The following IKZF3 variants were observed in gnomAD, a reference collection of about 807,000 sequenced individuals.
IKZF3 encodes IKAROS family zinc finger 3.
A neutral mutation model predicts 49.0 loss-of-function variants in IKZF3; 10 were observed. The ratio of observed to expected loss-of-function variants is 0.20; its 90% CI spans 0.13 to 0.35. The LOEUF is 0.35. Ranked by LOEUF, IKZF3 falls within the 10% of genes least tolerant of loss-of-function variation. IKZF3 has a pLI of 1.00. For synonymous variants in IKZF3, 209 were observed against 228.2 expected (o/e 0.92, Z 0.76); for missense variants, 498 against 664.8 (o/e 0.75, Z 2.76).
chr17:39,817,467 G>T (rs1485756880), intron 3 of IKZF3, among the ~76,000 whole-genome samples: 1 of 151,662 alleles, frequency 6.6e-6, no homozygotes, highest in Non-Finnish European at 1.5e-5. Flanking sequence ...TTGCTATATT[G>T]CCCAGGCTGG....
At chr17:39,802,176 C>T (rs1221572246) in intron 3 of IKZF3, among the ~76,000 whole-genome samples, 2 of 128,432 alleles carry the variant, frequency 1.6e-5, no homozygotes, top group East Asian at 2.4e-4. Flanking sequence ...GAGCCAAGAT[C>T]GCACCACTGC....
At chr17:39,831,313 G>A (rs1300504837) in intron 2 of IKZF3, among the ~76,000 whole-genome samples, 6 of 151,908 alleles carry the variant, frequency 3.9e-5, no homozygotes, top group African/African-American at 1.5e-4. Flanking sequence ...GGCTAAGGTT[G>A]TGGTGAGCCG....
intron 3 of IKZF3, among the ~76,000 whole-genome samples, chr17:39,828,253 T>C (rs1040429791): frequency 1.6e-4 from 25 of 152,170 alleles, no homozygotes; most frequent in African/African-American, 5.3e-4. Context: ...GGGGTTAACA[T>C]TGAATGCAGA....
At chr17:39,770,458 T>C (rs993173507) in intron 7 of IKZF3, among the ~76,000 whole-genome samples, 2 of 152,174 alleles carry the variant, frequency 1.3e-5, no homozygotes, top group African/African-American at 4.8e-5. Context: ...CTTGGCTTTG[T>C]TAACTCTAAA....
intron 3 of IKZF3, among the ~76,000 whole-genome samples, chr17:39,799,670 G>C (rs571335005): frequency 3.3e-5 from 5 of 152,162 alleles, no homozygotes; most frequent in African/African-American, 1.2e-4. Flanking sequence ...GCACATTAAA[G>C]TCTGAGAAGC....
intron 3 of IKZF3, among the ~76,000 whole-genome samples, chr17:39,806,632 C>T (rs911361933): frequency 6.6e-6 from 1 of 151,896 alleles, no homozygotes; most frequent in African/African-American, 2.4e-5. Flanking sequence ...TCATCCGTTG[C>T]TGGTGGGAGT....
At chr17:39,774,129 G>A (rs971051606) in intron 7 of IKZF3, among the ~76,000 whole-genome samples, 2 of 151,898 alleles carry the variant, frequency 1.3e-5, no homozygotes, top group Admixed American at 1.3e-4. Flanking sequence ...GGTAATTATC[G>A]CCAGCCCGCC....
chr17:39,835,303 G>C, intron 1 of IKZF3: 1 of 545,442 alleles, frequency 1.8e-6, no homozygotes, highest in Non-Finnish European at 3.5e-6. Flanking sequence ...TACTTGAGCA[G>C]CTGACGCGCC....
intron 4 of IKZF3, 76 bp from the exon 5 acceptor site, chr17:39,791,659 G>T: frequency 7.0e-7 from 1 of 1,429,250 alleles, no homozygotes. Flanking sequence ...GATGCCTAGG[G>T]GAAAAGCTCA....
chr17:39,777,454 T>C (rs1225561348), intron 7 of IKZF3, among the ~76,000 whole-genome samples, 197 bp downstream of exon 7: 3 of 152,244 alleles, frequency 2.0e-5, no homozygotes, highest in African/African-American at 7.2e-5. Flanking sequence ...TCTCCTGTCA[T>C]GATGATGCTT....
intron 6 of IKZF3, among the ~76,000 whole-genome samples, chr17:39,786,797 T>C (rs1353566632): frequency 6.6e-6 from 1 of 152,072 alleles, no homozygotes; most frequent in Non-Finnish European, 1.5e-5. Flanking sequence ...TTCTTTTTAT[T>C]TGGATAAGCT....
chr17:39,822,553 A>G, intron 3 of IKZF3, among the ~76,000 whole-genome samples: 1 of 149,042 alleles, frequency 6.7e-6, no homozygotes. Context: ...TTTCTTCTTT[A>G]TAAATTACCC....
intron 3 of IKZF3, among the ~76,000 whole-genome samples, chr17:39,821,104 T>C (rs563616587): frequency 6.6e-6 from 1 of 152,222 alleles, no homozygotes; most frequent in African/African-American, 2.4e-5. Flanking sequence ...TGAGGAAGGA[T>C]GTGGGAACAC....
intron 3 of IKZF3, among the ~76,000 whole-genome samples, chr17:39,802,092 G>A (rs1343086547): frequency 6.6e-6 from 1 of 151,330 alleles, no homozygotes; most frequent in African/African-American, 2.4e-5. Flanking sequence ...CATGGTGACG[G>A]GCACCTGTAG....
intron 3 of IKZF3, among the ~76,000 whole-genome samples, chr17:39,805,264 A>G (rs2061408319): frequency 1.3e-5 from 2 of 152,250 alleles, no homozygotes; most frequent in Admixed American, 6.5e-5. Context: ...GTGAACAACT[A>G]TACTATTATT....
In IKZF3 at chr17:39,758,658, C is replaced by CA. The variant is rs2060115483; in HGVS notation, c.*7131dup. ...GGTGGGGTACTAATGGCTGAGGACTCACAGACAGTGAGGGAGCAAAGCGCT... is the reference window on the plus strand; with the variant it reads ...GGTGGGGTACTAATGGCTGAGGACTCAACAGACAGTGAGGGAGCAAAGCGCT... On this transcript the variant is annotated 3_prime_UTR_variant, in exon 8 of 8. Coordinates refer to ENST00000346872, the MANE Select transcript of IKZF3 (RefSeq NM_012481.5). 6.6e-6 allele frequency: 1 copy of CA among 151,624 alleles called. No homozygotes were observed. The highest frequency in any genetic ancestry group is 1.5e-5 in the Non-Finnish European group (1 of 67,962). 9.4% of individuals were successfully genotyped at this position (151,624 alleles called of 1,614,324 possible). A position where few individuals can be genotyped will look rare whatever the true frequency, so the allele number is the denominator to read the frequency against.
chr17:39,784,431 G>A lies in IKZF3; in HGVS notation c.709+3827C>T, dbSNP rs1426809205. Among the ~76,000 whole-genome samples, 11 of 150,424 alleles carry A rather than the reference G, an allele frequency of 7.3e-5. 1 individual carries two copies. The highest frequency in any genetic ancestry group is 1.6e-4 in the Non-Finnish European group (11 of 67,792). ...TGTCTTTTTTTTTTTTTGAGATGGA[G>A]TCTTGCTCTGTTGCCAGGCTAGAGT... On this transcript the variant is annotated intron_variant, in intron 6 of 7. Coordinates refer to ENST00000346872, the MANE Select transcript of IKZF3 (RefSeq NM_012481.5).
intron 6 of IKZF3, chr17:39,778,029 G>A: frequency 8.9e-7 from 1 of 1,121,736 alleles, no homozygotes; most frequent in African/African-American, 1.6e-5. Flanking sequence ...GCAAGAGGAA[G>A]TATTAAATAA....
At position 39,762,098 on chromosome 17, in the gene IKZF3, G is replaced by C. The variant is rs1398662614; in HGVS notation, c.*3692C>G. Reference sequence around the variant, plus strand: ...AGAGGCTGGTGGGAAATGAAGGAGAGGGGCCTACAAGGCTCTTGTTCAGAG... The same window carrying C: ...AGAGGCTGGTGGGAAATGAAGGAGACGGGCCTACAAGGCTCTTGTTCAGAG... On this transcript the variant is annotated 3_prime_UTR_variant, in exon 8 of 8. Transcript: ENST00000346872. 1 of 152,306 alleles carries C rather than the reference G, an allele frequency of 6.6e-6. No homozygotes were observed. The highest frequency in any genetic ancestry group is 1.5e-5 in the Non-Finnish European group (1 of 68,144). 9.4% of individuals were successfully genotyped at this position (152,306 alleles called of 1,614,324 possible).
Sources: gnomAD v4.1 joint callset for allele counts (sites outside exome capture counted in the v4.1 genomes callset) on GRCh38, gnomAD v4.1.1 for gene constraint, MANE v1.5 for transcripts, NCBI Gene and HGNC (gene_info 2026-07-23, HGNC 2026-07-21) for gene names.